Variants in COL5A1 observed in about 807,000 individuals in gnomAD.
COL5A1 encodes collagen alpha-1(V) chain.
COL5A1 carries 16 observed loss-of-function variants against 263.7 expected under a neutral mutation model. The ratio of observed to expected loss-of-function variants is 0.06; its 90% confidence interval spans 0.04 to 0.09. The LOEUF (loss-of-function observed/expected upper bound fraction) is 0.09. Among genes scored for constraint, COL5A1 ranks in the 10% least tolerant of loss-of-function variants. The pLI is 1.00. For missense variants in COL5A1, 2,036 were observed against 2,540.5 expected (o/e 0.80, Z 4.27); for synonymous variants, 1,012 against 1,004.5 (o/e 1.01, Z -0.14).
intron 4 of COL5A1, among the ~76,000 whole-genome samples, chr9:134,703,882 G>A (rs909201019): frequency 3.9e-5 from 6 of 151,972 alleles, no homozygotes; most frequent in Admixed American, 6.5e-5. Context: ...CTTGTGATCC[G>A]CCCGCCTCGG....
chr9:134,719,439 C>G (rs1834378409), intron 4 of COL5A1, among the ~76,000 whole-genome samples: 1 of 152,268 alleles, frequency 6.6e-6, no homozygotes. Context: ...TATGTATGCA[C>G]ACACACAGTG....
Position 134,754,011 on chromosome 9 carries a change from C to T in COL5A1, c.1773+108C>T, listed in dbSNP as rs757739285. On this transcript the variant is annotated intron_variant, in intron 15 of 65. Coordinates refer to ENST00000371817, the MANE Select transcript of COL5A1 (RefSeq NM_000093.5). The surrounding 1 kb of genome is among the most constrained non-coding windows in gnomAD (Gnocchi z 4.3). The stretch of plus-strand genomic sequence containing the variant: ...ACTGCTGCATGTTTTCAAGGAAATT[C>T]GTGGGAATTGTCCTTGCTTTACGCA... The T allele has an allele frequency of 8.5e-5, 91 of 1,070,772 alleles. No individual in the cohort carries two copies. The highest frequency in any genetic ancestry group is 1.1e-4 in the Non-Finnish European group (79 of 694,756). 66.3% of individuals were successfully genotyped at this position (1,070,772 alleles called of 1,614,324 possible).
Position 134,701,168 on chromosome 9 carries a change from C to T in COL5A1, c.492-3C>T, listed in dbSNP as rs1027866868. On this transcript the variant is annotated splice_polypyrimidine_tract_variant and splice_region_variant and intron_variant, in intron 3 of 65. Coordinates refer to ENST00000371817, the MANE Select transcript of COL5A1 (RefSeq NM_000093.5). ...CCTGTCTTCACCATCTGTTTCTTTG[C>T]AGGTGGCACAGAATTGCTCTCAGCG... The T allele has an allele frequency of 1.2e-6, 2 of 1,613,676 alleles. No individual in the cohort carries two copies. The highest frequency in any genetic ancestry group is 3.3e-5 in the Admixed American group (2 of 60,002).
At chr9:134,653,057 G>A (rs1831750991) in intron 1 of COL5A1, 1 of 213,898 alleles carries the variant, frequency 4.7e-6, no homozygotes, top group Admixed American at 5.5e-5. Flanking sequence ...CAGGGGAGAA[G>A]CGCTGGAGAG....
intron 19 of COL5A1, 97 bp from the exon 20 acceptor site, chr9:134,763,596 A>C: frequency 8.0e-7 from 1 of 1,253,738 alleles, no homozygotes; most frequent in Non-Finnish European, 1.2e-6. Context: ...TATGTGAAGC[A>C]GCCCCAAGCC....
chr9:134,754,813 G>A lies in COL5A1; in HGVS notation c.1827+487G>A, dbSNP rs930082061. Among the ~76,000 whole-genome samples, 5 of 152,172 alleles carry A rather than the reference G, an allele frequency of 3.3e-5. No homozygotes were observed. The highest frequency in any genetic ancestry group is 1.2e-4 in the African/African-American group (5 of 41,438). On this transcript the variant is annotated intron_variant, in intron 16 of 65. Coordinates refer to ENST00000371817, the MANE Select transcript of COL5A1 (RefSeq NM_000093.5). This position sits in a 1 kb window ranked among gnomAD's most constrained non-coding sequence, Gnocchi z 4.3. ...GCACATGACCCTGGCTTCTAAAAGAGGACACACGTTTCCCGAGTGCTGACC... is the reference window on the plus strand; with the variant it reads ...GCACATGACCCTGGCTTCTAAAAGAAGACACACGTTTCCCGAGTGCTGACC...
chr9:134,790,301 C>CCCAT lies in COL5A1; in HGVS notation c.2700+1105_2700+1108dup, dbSNP rs767573731. Among the ~76,000 whole-genome samples the CCCAT allele has an allele frequency of 5.4e-3, 825 of 152,064 alleles. 5 individuals carry two copies. The highest frequency in any genetic ancestry group is 7.8e-3 in the Non-Finnish European group (532 of 67,950). On this transcript the variant is annotated intron_variant, in intron 32 of 65. Transcript: ENST00000371817. ...ACCCCTCTCTGTCTCTGTCCTTTTA[C>CCCAT]CCATCCATCCATCCACCCACCCATC... is the stretch of plus-strand genomic sequence containing the variant.
At chr9:134,762,671 A>G (rs1185366057) in intron 19 of COL5A1, among the ~76,000 whole-genome samples, 8 of 151,868 alleles carry the variant, frequency 5.3e-5, no homozygotes, top group African/African-American at 1.9e-4. Context: ...TGTATGTGAG[A>G]GGTGTTTAGG....
chr9:134,709,198 CT>C, intron 4 of COL5A1: 1 of 350,274 alleles, frequency 2.9e-6, no homozygotes, highest in South Asian at 2.1e-5. Flanking sequence ...GGTTTTTCGT[CT>C]CTTAAATTGC....
In COL5A1 at chr9:134,731,589, T is replaced by C; in HGVS notation, c.1258T>C (p.Tyr420His). ...RNLDENYYDPYYDPTSSPSEI... is the reference protein window; with the variant it reads ...RNLDENYYDPHYDPTSSPSEI... ...CCTTGACGAGAACTACTACGACCCC[T>C]ACTACGACCCCACCAGCTCCCCGTC... Residue 420 changes from tyrosine (Y) to histidine (H), a missense_variant, in exon 8 of 66, where the codon TAC becomes CAC. Transcript: ENST00000371817. 1 of 1,614,130 alleles carries C rather than the reference T, an allele frequency of 6.2e-7. No homozygotes were observed. The highest frequency in any genetic ancestry group is 1.7e-5 in the Admixed American group (1 of 60,020).
intron 2 of COL5A1, 53 bp from the exon 3 acceptor site, chr9:134,699,856 G>T: frequency 1.3e-6 from 2 of 1,560,502 alleles, no homozygotes; most frequent in Non-Finnish European, 1.8e-6. Flanking sequence ...CCATGGCTGG[G>T]TGTGGTTGCA....
At chr9:134,701,354 A>T in intron 4 of COL5A1, 21 bp downstream of exon 4, 1 of 1,610,624 alleles carries the variant, frequency 6.2e-7, no homozygotes, top group Non-Finnish European at 8.5e-7. Flanking sequence ...GGGCAGACCA[A>T]CCCCTGTGCC....
intron 4 of COL5A1, among the ~76,000 whole-genome samples, chr9:134,722,560 CAG>C (rs1830225480): frequency 6.6e-6 from 1 of 152,224 alleles, no homozygotes; most frequent in South Asian, 2.1e-4. Flanking sequence ...AGGGGTGCAT[CAG>C]GGCCCAGGAC....
At chr9:134,732,042 T>C in intron 8 of COL5A1, 29 bp from the exon 9 acceptor site, 1 of 1,612,882 alleles carries the variant, frequency 6.2e-7, no homozygotes, top group Non-Finnish European at 8.5e-7. Flanking sequence ...TCTCTGATTC[T>C]CTTTCCATCT....
chr9:134,729,825 CG>C (rs1834810963), intron 6 of COL5A1, among the ~76,000 whole-genome samples: 1 of 139,830 alleles, frequency 7.2e-6, no homozygotes, highest in Non-Finnish European at 1.5e-5. Context: ...CATGCGGGCA[CG>C]GGTGTGCATG....
intron 49 of COL5A1, among the ~76,000 whole-genome samples, chr9:134,814,442 CGG>C (rs1162610699): frequency 3.3e-5 from 5 of 152,168 alleles, no homozygotes; most frequent in Non-Finnish European, 7.3e-5. Context: ...TGGGTGGACT[CGG>C]GTCTTCTGGT....
rs1834873069 is a variant in COL5A1 at position 134,731,354 on chromosome 9, C to T, written c.1165-142C>T. 4.7e-6 allele frequency: 4 copies of T among 853,160 alleles called. No individual in the cohort carries two copies. The Admixed American group carries it at 8.1e-5, about 17-fold the overall frequency. The allele number at this position is 853,160 out of a possible 1,614,324, so 52.8% of individuals were successfully genotyped here. ...GGTCTCTGCCCAGTTGACCGGGTAG[C>T]CATGGTGCCAGCACAGGGCCTGATG... On this transcript the variant is annotated intron_variant, in intron 7 of 65. Transcript: ENST00000371817.
rs1830197285 is a variant in COL5A1 at position 134,844,685 on chromosome 9, G to A, written c.*2382G>A. On this transcript the variant is annotated 3_prime_UTR_variant, in exon 66 of 66. Coordinates refer to ENST00000371817, the MANE Select transcript of COL5A1 (RefSeq NM_000093.5). ...GGCCTTTTGAAATACAATGTCAAAT[G>A]ACACATTGTACGGTTTCAAAAAATC... The A allele has an allele frequency of 6.6e-6, 1 of 152,194 alleles. No individual in the cohort carries two copies. The highest frequency in any genetic ancestry group is 1.5e-5 in the Non-Finnish European group (1 of 68,028). The allele number at this position is 152,194 out of a possible 1,614,324, so 9.4% of individuals were successfully genotyped here. A position where few individuals can be genotyped will look rare whatever the true frequency, so the allele number is the denominator to read the frequency against.
At chr9:134,684,966 T>TCCATTCAC (rs1832966076) in intron 1 of COL5A1, among the ~76,000 whole-genome samples, 1 of 129,924 alleles carries the variant, frequency 7.7e-6, no homozygotes, top group Non-Finnish European at 1.6e-5. Flanking sequence ...CCATCCACCA[T>TCCATTCAC]CCATCCATTA....
Sources: allele counts gnomAD v4.1 joint callset (sites outside exome capture counted in the v4.1 genomes callset), GRCh38; gene constraint gnomAD v4.1.1; non-coding constraint Gnocchi (gnomAD v3.1); transcripts MANE v1.5; gene names NCBI Gene and HGNC (gene_info 2026-07-23, HGNC 2026-07-21).